The following MED27 variants were observed in gnomAD, a reference collection of about 807,000 sequenced individuals.
The protein encoded by MED27 is mediator complex subunit 27.
In MED27, 30 loss-of-function variants were observed where a neutral mutation model predicts 38.2. The observed-to-expected ratio is 0.79, with a 90% CI of 0.59 to 1.07. The LOEUF (loss-of-function observed/expected upper bound fraction) is 1.07, where lower values mean the gene tolerates loss of function less well. MED27 is among the 50% of genes least tolerant of loss of function. The pLI, the probability that MED27 is intolerant of heterozygous loss-of-function variation, is 0.00. For synonymous variants in MED27, 122 were observed against 153.5 expected, an observed-to-expected ratio of 0.79 and a Z score of 1.52; for missense variants, 289 against 397.5, an observed-to-expected ratio of 0.73 and a Z score of 2.32.
At chr9:131,947,665 A>AC (rs1185639451) in intron 3 of MED27, among the ~76,000 whole-genome samples, 1 of 150,452 alleles carries the variant, frequency 6.6e-6, no homozygotes, top group Non-Finnish European at 1.5e-5. Flanking sequence ...CTAAAGACTG[A>AC]CCCCCTCCTC....
intron 2 of MED27, among the ~76,000 whole-genome samples, chr9:132,024,485 T>C (rs1832777127): frequency 6.6e-6 from 1 of 152,224 alleles, no homozygotes. Context: ...CAGGAATGAC[T>C]GAATTTTCAC....
chr9:131,895,841 T>C (rs1264380682), intron 4 of MED27, among the ~76,000 whole-genome samples: 1 of 152,024 alleles, frequency 6.6e-6, no homozygotes, highest in Admixed American at 6.6e-5. Context: ...AGTAACTCTG[T>C]CTTTAGTCAA....
At chr9:131,958,452 T>G (rs1831149683) in intron 3 of MED27, among the ~76,000 whole-genome samples, 1 of 152,216 alleles carries the variant, frequency 6.6e-6, no homozygotes, top group Admixed American at 6.5e-5. Context: ...TTCACTATGT[T>G]GGTCAGGCTG....
chr9:132,004,026 T>C (rs867361218), intron 3 of MED27, among the ~76,000 whole-genome samples: 3 of 151,842 alleles, frequency 2.0e-5, no homozygotes, highest in African/African-American at 7.3e-5. Context: ...CTTCTCTCTC[T>C]CCCCCACCAG....
At position 131,889,167 on chromosome 9, in the gene MED27, G is replaced by GCA. The variant is rs913993844; in HGVS notation, c.681+4716_681+4717dup. On this transcript the variant is annotated intron_variant, in intron 5 of 7. Coordinates refer to ENST00000292035, the MANE Select transcript of MED27 (RefSeq NM_004269.4). The surrounding 1 kb of genome is among the most constrained non-coding windows in gnomAD (Gnocchi z 4.2). The stretch of plus-strand genomic sequence containing the variant: ...AGCTCCCCACCCCCTCGACCCACAT[G>GCA]CACACACACAGCCAACTTTGAAGTG... Among the ~76,000 whole-genome samples the GCA allele has an allele frequency of 1.3e-5, 2 of 152,200 alleles. No individual in the cohort carries two copies. The highest frequency in any genetic ancestry group is 1.3e-4 in the Admixed American group (2 of 15,286).
In MED27 at chr9:131,890,681, TACAG is replaced by T. The variant is rs375665462; in HGVS notation, c.681+3200_681+3203del. ...GTGCTCCTGGCACAGAAGTGCACCC[TACAG>T]ACAGACAGTCACACGATGGAGCCTG... On this transcript the variant is annotated intron_variant, in intron 5 of 7. Transcript: ENST00000292035. Among the ~76,000 whole-genome samples, 90 of 152,294 alleles carry T rather than the reference TACAG, an allele frequency of 5.9e-4. 3 individuals are homozygous for T. The East Asian group carries it at 0.016, about 28-fold the overall frequency.
chr9:131,971,038 T>C (rs1440520148), intron 3 of MED27, among the ~76,000 whole-genome samples: 8 of 152,116 alleles, frequency 5.3e-5, no homozygotes, highest in Non-Finnish European at 1.0e-4. Flanking sequence ...TAGAATGACA[T>C]GACACAAGGG....
intron 5 of MED27, among the ~76,000 whole-genome samples, chr9:131,886,362 CA>C (rs1839141048): frequency 6.6e-6 from 1 of 152,180 alleles, no homozygotes; most frequent in Non-Finnish European, 1.5e-5. Context: ...CATGACAAAT[CA>C]TGGAGGAGCT....
chr9:131,988,502 C>T (rs575615152), intron 3 of MED27, among the ~76,000 whole-genome samples: 34 of 152,358 alleles, frequency 2.2e-4, no homozygotes, highest in African/African-American at 7.9e-4. Flanking sequence ...TCCATTTCCA[C>T]TGAATGAATA....
chr9:132,001,945 G>A (rs78831938), intron 3 of MED27, among the ~76,000 whole-genome samples: 5 of 152,168 alleles, frequency 3.3e-5, no homozygotes, highest in Admixed American at 1.3e-4. Context: ...ACAACTCCCC[G>A]TAAGATTCTA....
chr9:131,918,453 A>G (rs1830332271), intron 4 of MED27, among the ~76,000 whole-genome samples: 1 of 152,240 alleles, frequency 6.6e-6, no homozygotes, highest in African/African-American at 2.4e-5. Context: ...ATGTATACCT[A>G]GTAAGTAGTA....
In MED27 at chr9:131,939,368, A is replaced by T; in HGVS notation, c.573+13T>A. ...CCCCCAACATCCCTACAAATCAGTCAAGCTGATCTTACCAGAAGCATTGCT... is the reference window on the plus strand; with the variant it reads ...CCCCCAACATCCCTACAAATCAGTCTAGCTGATCTTACCAGAAGCATTGCT... On this transcript the variant is annotated intron_variant, in intron 4 of 7. Coordinates refer to ENST00000292035, the MANE Select transcript of MED27 (RefSeq NM_004269.4). The T allele has an allele frequency of 6.3e-7, 1 of 1,583,154 alleles. No homozygotes were observed. Among genetic ancestry groups the T allele is most frequent in the East Asian group, 2.3e-5 (1 of 44,138 alleles).
chr9:131,901,225 C>A (rs1829941386), intron 4 of MED27, among the ~76,000 whole-genome samples: 1 of 152,112 alleles, frequency 6.6e-6, no homozygotes, highest in Non-Finnish European at 1.5e-5. Flanking sequence ...TGTACTAATT[C>A]CAAAGAAAGA....
At chr9:131,967,665 ATTT>A (rs764682963) in intron 3 of MED27, among the ~76,000 whole-genome samples, 2 of 123,016 alleles carry the variant, frequency 1.6e-5, no homozygotes, top group African/African-American at 3.0e-5. Context: ...CTAATTTTGT[ATTT>A]TTTTTTTTTT....
intron 6 of MED27, among the ~76,000 whole-genome samples, chr9:131,878,305 A>C (rs1838973836): frequency 6.6e-6 from 1 of 151,806 alleles, no homozygotes; most frequent in Non-Finnish European, 1.5e-5. Context: ...AAATAAATAA[A>C]TAAATAAAAT....
At chr9:131,939,793 G>T (rs2039957558) in intron 3 of MED27, among the ~76,000 whole-genome samples, 1 of 152,072 alleles carries the variant, frequency 6.6e-6, no homozygotes, top group African/African-American at 2.4e-5. Flanking sequence ...TCCAGTCCAG[G>T]ATGGCAGCAG....
intron 4 of MED27, among the ~76,000 whole-genome samples, chr9:131,898,741 C>T (rs1324907128): frequency 7.9e-5 from 12 of 152,086 alleles, no homozygotes; most frequent in African/African-American, 2.7e-4. Context: ...TGTGCCACCA[C>T]GCCCGGCTAA....
At chr9:132,061,520 T>C (rs1833698200) in intron 2 of MED27, among the ~76,000 whole-genome samples, 1 of 152,248 alleles carries the variant, frequency 6.6e-6, no homozygotes. Flanking sequence ...GAGCATAACA[T>C]GTTAATCACT....
chr9:132,077,329 G>A (rs536141171), intron 2 of MED27, 113 bp downstream of exon 2: 2 of 1,086,488 alleles, frequency 1.8e-6, no homozygotes, highest in African/African-American at 3.2e-5. Flanking sequence ...ATAACCCCAT[G>A]CTGAATCAAG....
Sources: gnomAD v4.1 joint callset for allele counts (sites outside exome capture counted in the v4.1 genomes callset) on GRCh38, gnomAD v4.1.1 for gene constraint, Gnocchi (gnomAD v3.1) non-coding constraint, MANE v1.5 for transcripts, NCBI Gene and HGNC (gene_info 2026-07-23, HGNC 2026-07-21) for gene names.